The following ZNF883 variants were observed in gnomAD, a reference collection of about 807,000 sequenced individuals.
The protein encoded by ZNF883 is zinc finger protein 883.
upstream of ZNF883, among the ~76,000 whole-genome samples, chr9:113,002,270 C>G (rs985676491): frequency 1.3e-5 from 2 of 152,116 alleles, no homozygotes; most frequent in Admixed American, 1.3e-4. Context: ...TATACAGAAG[C>G]AATACGGAAG....
At chr9:112,994,973 A>T (rs925819725), downstream of ZNF883, among the ~76,000 whole-genome samples, 1 of 152,096 alleles carries the variant, frequency 6.6e-6, no homozygotes, top group African/African-American at 2.4e-5. Context: ...GCTTTGGGTT[A>T]TTCATGGTTT....
chr9:112,997,371 C>G (rs770459043), exon 1 of ZNF883: 17 of 1,613,796 alleles, frequency 1.1e-5, no homozygotes, highest in Non-Finnish European at 1.4e-5. Context: ...TTCTGACATT[C>G]ATTACATTGA....
At chr9:112,995,897 C>T (rs1013108514), downstream of ZNF883, among the ~76,000 whole-genome samples, 7 of 152,018 alleles carry the variant, frequency 4.6e-5, no homozygotes, top group Non-Finnish European at 1.0e-4. Context: ...CCCATCATTC[C>T]TACTTGCTAG....
At position 112,989,577 on chromosome 9, in the gene ZNF883, T is replaced by C. The variant is rs558286876; in HGVS notation, n.310-5998A>G. 6.6e-5 allele frequency among the ~76,000 whole-genome samples: 10 copies of C among 152,362 alleles called. No homozygotes were observed. In the South Asian group the frequency reaches 2.1e-3, roughly 32 times the overall value. ...TGTGATGCCTCCAGCTTTGTTCTTTTTGCATAGGATTGTCTTGGCTATTTG... is the reference window on the plus strand; with the variant it reads ...TGTGATGCCTCCAGCTTTGTTCTTTCTGCATAGGATTGTCTTGGCTATTTG... On this transcript the variant is annotated intron_variant and non_coding_transcript_variant, in intron 1 of 9. Coordinates refer to the ZNF883 transcript ENST00000638823.
At chr9:113,007,213 G>T (rs1828487560) in intron 2 of ZNF883, among the ~76,000 whole-genome samples, 1 of 152,172 alleles carries the variant, frequency 6.6e-6, no homozygotes, top group African/African-American at 2.4e-5. Context: ...AAATCTCCAT[G>T]TACTTAGTAG....
downstream of ZNF883, chr9:112,997,084 A>G (rs749508520): frequency 2.0e-6 from 3 of 1,517,776 alleles, no homozygotes; most frequent in Non-Finnish European, 2.6e-6. Flanking sequence ...GGTGTAAACA[A>G]TAACCTACGA....
At chr9:112,990,473 A>G (rs1467449559) in intron 1 of ZNF883, among the ~76,000 whole-genome samples, 12 of 152,140 alleles carry the variant, frequency 7.9e-5, no homozygotes, top group Admixed American at 7.9e-4. Context: ...CTGATTTGAT[A>G]TTAGTGGATA....
chr9:113,010,984 C>CA (rs35069505), intron 2 of ZNF883, among the ~76,000 whole-genome samples, 157 bp downstream of exon 2: 1,856 of 117,884 alleles, frequency 0.016, 64 homozygotes, highest in Admixed American at 0.085. Flanking sequence ...GACCTTGTCT[C>CA]AAAAAAAAAA....
At chr9:113,002,276 G>A (rs1358494134), upstream of ZNF883, among the ~76,000 whole-genome samples, 2 of 152,098 alleles carry the variant, frequency 1.3e-5, no homozygotes, top group Admixed American at 1.3e-4. Flanking sequence ...GAAGCAATAC[G>A]GAAGTTTCCC....
upstream of ZNF883, among the ~76,000 whole-genome samples, chr9:113,001,649 T>G (rs996991670): frequency 9.9e-5 from 15 of 152,194 alleles, 1 homozygote; most frequent in African/African-American, 2.2e-4. Context: ...GATTCCTGTC[T>G]TCTTGGTTGT....
At chr9:113,007,340 C>T (rs1334291243) in intron 2 of ZNF883, among the ~76,000 whole-genome samples, 1 of 152,218 alleles carries the variant, frequency 6.6e-6, no homozygotes, top group East Asian at 1.9e-4. Context: ...CTAAACTACA[C>T]TTCTGCTAGT....
chr9:112,990,067 A>G (rs1353586712), intron 1 of ZNF883, among the ~76,000 whole-genome samples: 3 of 152,162 alleles, frequency 2.0e-5, no homozygotes, highest in African/African-American at 7.2e-5. Flanking sequence ...GCAAACAGAG[A>G]CAGTTTGATT....
intron 1 of ZNF883, among the ~76,000 whole-genome samples, chr9:112,989,717 G>A (rs778873816): frequency 1.3e-5 from 2 of 152,094 alleles, no homozygotes; most frequent in Admixed American, 6.5e-5. Context: ...GAGCAGCATG[G>A]CCATTTTCAC....
At chr9:112,998,280 ACATT>A (rs756467888), upstream of ZNF883, 13 of 1,472,146 alleles carry the variant, frequency 8.8e-6, no homozygotes, top group African/African-American at 1.4e-5. Context: ...CTATGGCTTT[ACATT>A]TATTTATTTT....
At chr9:112,998,961 A>G (rs1779847491), upstream of ZNF883, 1 of 152,150 alleles carries the variant, frequency 6.6e-6, no homozygotes, top group African/African-American at 2.4e-5. Context: ...GTGTTTCTCA[A>G]ACTGGTCATC....
downstream of ZNF883, among the ~76,000 whole-genome samples, chr9:112,995,765 AATAAAC>A (rs1749570414): frequency 6.6e-6 from 1 of 152,162 alleles, no homozygotes; most frequent in East Asian, 1.9e-4. Flanking sequence ...GAAGTTCTAA[AATAAAC>A]CTTAGTACTG....
At chr9:112,991,290 CTTTG>C (rs1828299761) in intron 1 of ZNF883, among the ~76,000 whole-genome samples, 1 of 152,038 alleles carries the variant, frequency 6.6e-6, no homozygotes, top group South Asian at 2.1e-4. Context: ...TATGTTGACT[CTTTG>C]TTCTCCTTGG....
chr9:112,997,332 G>C, exon 1 of ZNF883: 2 of 1,613,948 alleles, frequency 1.2e-6, no homozygotes, highest in South Asian at 2.2e-5. Flanking sequence ...CTCTGATGTC[G>C]AATTAGTGAT....
intron 2 of ZNF883, among the ~76,000 whole-genome samples, chr9:113,004,444 C>A (rs541530026): frequency 6.6e-6 from 1 of 151,866 alleles, no homozygotes; most frequent in Non-Finnish European, 1.5e-5. Flanking sequence ...AATTTTAACC[C>A]CTGAGGTAAT....
Sources: allele counts gnomAD v4.1 joint callset (sites outside exome capture counted in the v4.1 genomes callset), GRCh38; gene constraint gnomAD v4.1.1; transcripts MANE v1.5; gene names NCBI Gene and HGNC (gene_info 2026-07-23, HGNC 2026-07-21).